TJP2: variants seen among roughly 807,000 people sequenced by gnomAD.
The protein encoded by TJP2 is tight junction protein 2.
TJP2 carries 91 observed loss-of-function variants against 133.1 expected under a neutral mutation model. That is an observed-to-expected ratio of 0.68 (90% CI 0.58 to 0.81). The LOEUF (loss-of-function observed/expected upper bound fraction) is 0.81, where lower values mean the gene tolerates loss of function less well. TJP2 is among the 40% of genes least tolerant of loss of function. TJP2 has a pLI of 0.00. For missense variants in TJP2, 1,541 were observed against 1,565.6 expected (o/e 0.98, Z 0.26); for synonymous variants, 592 against 583.4 (o/e 1.01, Z -0.21).
In TJP2 at chr9:69,146,196, A is replaced by G. The variant is rs372529157; in HGVS notation, c.-130-5455A>G. Among the ~76,000 whole-genome samples the G allele has an allele frequency of 1.4e-4, 21 of 152,338 alleles. No homozygotes were observed. In the South Asian group the frequency reaches 3.5e-3, roughly 26 times the overall value. ...TTTCAACAATACAAGTGTTTTTCTG[A>G]TTAAAGTGTATGTGCAGACTATGCT... On this transcript the variant is annotated intron_variant, in intron 1 of 5. Transcript: ENST00000423935.
Position 69,227,852 on chromosome 9 carries a change from A to G in TJP2, c.1298A>G (p.Glu433Gly). Residue 433 changes from glutamate to glycine, a missense_variant, in exon 8 of 23, where the codon GAG becomes GGG. Glu to Gly is a moderately conservative substitution (Grantham distance 98). Transcript: ENST00000377245. Reference protein sequence around the residue: ...YSDYDYHSSSEKLKERPSSRE... With the variant: ...YSDYDYHSSSGKLKERPSSRE... ...GATTATGATTATCATTCCTCAAGTG[A>G]GAAGCTGAAGGAAAGGCCAAGGTAA... The G allele has an allele frequency of 6.2e-7, 1 of 1,613,842 alleles. No homozygotes were observed. Among genetic ancestry groups the G allele is most frequent in the Non-Finnish European group, 8.5e-7 (1 of 1,179,704 alleles).
At chr9:69,204,111 A>G (rs1827213782) in intron 1 of TJP2, among the ~76,000 whole-genome samples, 1 of 151,812 alleles carries the variant, frequency 6.6e-6, no homozygotes, top group East Asian at 1.9e-4. Context: ...GCCACTGTAT[A>G]AAGAAGGGTA....
At chr9:69,245,761 G>T (rs1279127104) in intron 17 of TJP2, among the ~76,000 whole-genome samples, 2 of 152,194 alleles carry the variant, frequency 1.3e-5, no homozygotes, top group Middle Eastern at 3.2e-3. Context: ...GCTAATCCAG[G>T]TAAGGTACTT....
At chr9:69,216,675 G>A (rs1828408755) in intron 3 of TJP2, among the ~76,000 whole-genome samples, 1 of 152,216 alleles carries the variant, frequency 6.6e-6, no homozygotes, top group Admixed American at 6.5e-5. Flanking sequence ...TTTGGAGCGA[G>A]GAGGGCAGTT....
rs148586833 is a variant in TJP2 at position 69,150,382 on chromosome 9, C to T, written c.-130-1269C>T. Among the ~76,000 whole-genome samples the T allele has an allele frequency of 8.2e-3, 1,242 of 151,238 alleles. 25 individuals carry two copies. The highest frequency in any genetic ancestry group is 0.028 in the African/African-American group (1,172 of 41,178). The stretch of plus-strand genomic sequence containing the variant: ...GATCTCACCTCACTGCAACCTCTGC[C>T]TCCTGGGTTCCAGTGATTCTCCTGC... On this transcript the variant is annotated intron_variant, in intron 1 of 5. Transcript: ENST00000423935.
chr9:69,218,499 AG>A, intron 4 of TJP2, 140 bp downstream of exon 4: 1 of 715,964 alleles, frequency 1.4e-6, no homozygotes, highest in Non-Finnish European at 2.5e-6. Flanking sequence ...GTACTTTTGG[AG>A]GGGTGTGAAG....
rs1401486301 is a variant in TJP2, at chr9:69,228,123, T to C, written c.1453+9T>C. ...CCAAGAGGACCCCCCAGGTGAGCCA[T>C]TAAGACCACTCAGTTTCAACAGTTG... On this transcript the variant is annotated intron_variant, in intron 9 of 22. Coordinates refer to ENST00000377245, the MANE Select transcript of TJP2 (RefSeq NM_004817.4). The C allele has an allele frequency of 1.3e-6, 2 of 1,596,892 alleles. No individual in the cohort carries two copies. The highest frequency in any genetic ancestry group is 1.3e-5 in the African/African-American group (1 of 74,622).
intron 4 of TJP2, among the ~76,000 whole-genome samples, chr9:69,219,728 A>G (rs958616639): frequency 5.9e-5 from 9 of 152,114 alleles, no homozygotes; most frequent in Admixed American, 1.3e-4. Flanking sequence ...GCAGCTCTCA[A>G]AATGTCTTTG....
upstream of TJP2, chr9:69,174,099 C>G (rs1046918133): frequency 1.7e-6 from 2 of 1,164,616 alleles, no homozygotes; most frequent in Non-Finnish European, 2.1e-6. Context: ...CGCCGGCGAG[C>G]CCTTCCCCGG....
chr9:69,218,262 A>G lies in TJP2; in HGVS notation c.245A>G (p.Asn82Ser), dbSNP rs1487703117. The G allele has an allele frequency of 1.9e-6, 3 of 1,613,260 alleles. No individual in the cohort carries two copies. In the African/African-American group the frequency reaches 4.0e-5, roughly 22 times the overall value. ...GGPADGLLQE[N>S]DRVVMVNGTP... Reference sequence around the variant, plus strand: ...TTTTTATTTCTTGTTTACAGAGAAAATGACAGAGTGGTCATGGTCAATGGC... The same window carrying G: ...TTTTTATTTCTTGTTTACAGAGAAAGTGACAGAGTGGTCATGGTCAATGGC... Residue 82 changes from asparagine to serine, a missense_variant, in exon 4 of 23, where the codon AAT (asparagine) becomes AGT (serine). Transcript: ENST00000377245.
At chr9:69,166,061 C>G (rs772077484) in intron 2 of TJP2, among the ~76,000 whole-genome samples, 11 of 152,244 alleles carry the variant, frequency 7.2e-5, no homozygotes, top group Non-Finnish European at 1.5e-4. Context: ...CTAGGGCACC[C>G]CAGCTTCTTA....
chr9:69,167,271 A>C (rs1157306973), intron 2 of TJP2, among the ~76,000 whole-genome samples: 1 of 152,048 alleles, frequency 6.6e-6, no homozygotes, highest in Non-Finnish European at 1.5e-5. Context: ...TAAAAATAAT[A>C]CTGTAGTGGG....
intron 1 of TJP2, among the ~76,000 whole-genome samples, chr9:69,147,552 GT>G (rs1452526490): frequency 6.6e-6 from 1 of 152,170 alleles, no homozygotes; most frequent in African/African-American, 2.4e-5. Context: ...GATGTTCTTA[GT>G]TTCTGCCTCA....
At chr9:69,215,065 A>G (rs1162941541) in intron 2 of TJP2, among the ~76,000 whole-genome samples, 1 of 152,210 alleles carries the variant, frequency 6.6e-6, no homozygotes. Flanking sequence ...TAATGCTGAA[A>G]CAGAAAACCA....
Position 69,212,614 on chromosome 9 carries a change from C to T in TJP2, c.114+13C>T. On this transcript the variant is annotated intron_variant, in intron 2 of 22. Coordinates refer to ENST00000377245, the MANE Select transcript of TJP2 (RefSeq NM_004817.4). ...GACCCTACAAAAGGTGAGTTCTGCA[C>T]ATTTCATATATTCTACAGTCATGTT... The T allele has an allele frequency of 3.1e-6, 5 of 1,591,988 alleles. No individual in the cohort carries two copies. Among genetic ancestry groups the T allele is most frequent in the Middle Eastern group, 3.3e-4 (2 of 6,018 alleles).
chr9:69,227,788 C>T lies in TJP2; in HGVS notation c.1234C>T (p.Arg412Ter), dbSNP rs777460754. 3 of 1,611,044 alleles carry T rather than the reference C, an allele frequency of 1.9e-6. No homozygotes were observed. The highest frequency in any genetic ancestry group is 2.5e-6 in the Non-Finnish European group (3 of 1,177,728). Residue 412 changes from arginine (R) to a stop codon, truncating the protein, a stop_gained, in exon 8 of 23, where the codon CGA becomes TGA. Transcript: ENST00000377245. LOFTEE classifies it high-confidence loss of function. ...IEDISEIESN[R>*]SFSPEERRHQ... Reference sequence around the variant, plus strand: ...AGATATTTCAGAAATAGAGTCAAACCGATCATTTTCTCCAGAGGAGAGACG... The same window carrying T: ...AGATATTTCAGAAATAGAGTCAAACTGATCATTTTCTCCAGAGGAGAGACG...
chr9:69,247,875 A>T, intron 18 of TJP2, 137 bp from the exon 19 acceptor site: 1 of 835,630 alleles, frequency 1.2e-6, no homozygotes, highest in Non-Finnish European at 1.8e-6. Context: ...GATCTCAGGG[A>T]GAAAAATAAA....
In TJP2 at chr9:69,124,518, C is replaced by G. The variant is rs1307645486; in HGVS notation, c.-131+2793C>G. 1.7e-4 allele frequency among the ~76,000 whole-genome samples: 13 copies of G among 76,420 alleles called. 5 individuals are homozygous for G. The highest frequency in any genetic ancestry group is 5.2e-4 in the African/African-American group (13 of 24,960). The allele number at this position is 76,420 out of a possible 152,430, so 50.1% of individuals were successfully genotyped here. On this transcript the variant is annotated intron_variant, in intron 1 of 5. Coordinates refer to the TJP2 transcript ENST00000423935. ...TGAGCCCCCGCTATTTTTTCTTGAC[C>G]CTTGCCTCTTCTTGTGTTACGACTT...
At position 69,248,088 on chromosome 9, in the gene TJP2, A is replaced by G; in HGVS notation, c.2744A>G (p.Asp915Gly). ...TAMGADYLSC[D>G]SRLISDFEDT... is the part of the protein sequence containing the mutation. ...ATGGGCGCGGACTATCTGAGTTGCG[A>G]CAGCCGCCTCATCAGTGACTTTGAA... Residue 915 changes from aspartate to glycine, a missense_variant, in exon 19 of 23, where the codon GAC (aspartate) becomes GGC (glycine). By Grantham distance (94) the Asp-to-Gly change is moderately conservative (BLOSUM62 -1). Transcript: ENST00000377245. 1.2e-6 allele frequency: 2 copies of G among 1,614,188 alleles called. No homozygotes were observed. Among genetic ancestry groups the G allele is most frequent in the Non-Finnish European group, 1.7e-6 (2 of 1,180,042 alleles).
Sources: allele counts gnomAD v4.1 joint callset (sites outside exome capture counted in the v4.1 genomes callset), GRCh38; gene constraint gnomAD v4.1.1; transcripts MANE v1.5; gene names NCBI Gene and HGNC (gene_info 2026-07-23, HGNC 2026-07-21).